Variants in SIPA1L3 observed in about 807,000 individuals in gnomAD.
SIPA1L3 encodes the protein signal induced proliferation associated 1 like 3.
In SIPA1L3, 59 loss-of-function variants were observed where a neutral mutation model predicts 150.1. That is an observed-to-expected ratio of 0.39 (90% CI 0.32 to 0.49). The LOEUF is 0.49. SIPA1L3 is among the 20% of genes least tolerant of loss of function. The pLI is 0.86. For missense variants in SIPA1L3, 2,211 were observed against 2,489.5 expected, an observed-to-expected ratio of 0.89 and a Z score of 2.38; for synonymous variants, 1,070 against 1,077.6, an observed-to-expected ratio of 0.99 and a Z score of 0.14.
intron 2 of SIPA1L3, among the ~76,000 whole-genome samples, chr19:38,064,407 A>G (rs1969522570): frequency 6.6e-6 from 1 of 152,238 alleles, no homozygotes; most frequent in Admixed American, 6.5e-5. Flanking sequence ...TATATAAGAA[A>G]AAATGAAGGC....
intron 2 of SIPA1L3, among the ~76,000 whole-genome samples, chr19:38,066,901 T>C (rs1032813454): frequency 1.3e-5 from 2 of 151,956 alleles, no homozygotes; most frequent in Non-Finnish European, 2.9e-5. Context: ...CAGCTCTCTC[T>C]CTTGACTTTC....
intron 2 of SIPA1L3, among the ~76,000 whole-genome samples, chr19:38,035,603 C>T (rs569514026): frequency 1.2e-4 from 19 of 152,284 alleles, no homozygotes; most frequent in African/African-American, 4.6e-4. Flanking sequence ...AAATGGGCAG[C>T]TTAACTGTGG....
At chr19:38,085,618 C>G (rs1970110984) in intron 3 of SIPA1L3, among the ~76,000 whole-genome samples, 1 of 152,082 alleles carries the variant, frequency 6.6e-6, no homozygotes. Context: ...TTTCATGTTT[C>G]TTAAAGTTCG....
intron 1 of SIPA1L3, among the ~76,000 whole-genome samples, chr19:37,950,148 G>A (rs370200662): frequency 2.0e-5 from 3 of 150,620 alleles, no homozygotes; most frequent in East Asian, 2.0e-4. Flanking sequence ...CTTGCTAGCT[G>A]TGTGACCTTG....
chr19:38,100,388 C>T (rs1051869788), intron 5 of SIPA1L3, among the ~76,000 whole-genome samples: 4 of 152,164 alleles, frequency 2.6e-5, no homozygotes, highest in Admixed American at 2.6e-4. Flanking sequence ...GCTAGGTCCC[C>T]ATGTGTGCAT....
At chr19:38,197,563 G>A (rs915025401) in intron 18 of SIPA1L3, among the ~76,000 whole-genome samples, 6 of 151,422 alleles carry the variant, frequency 4.0e-5, no homozygotes, top group African/African-American at 7.3e-5. Flanking sequence ...TCTCCTCGTC[G>A]CCAGCTCCTG....
chr19:38,015,749 G>A (rs1264738449), intron 1 of SIPA1L3, among the ~76,000 whole-genome samples: 1 of 138,810 alleles, frequency 7.2e-6, no homozygotes, highest in Admixed American at 7.6e-5. Flanking sequence ...AAAAAAGAAT[G>A]TGAGAGGTCT....
intron 2 of SIPA1L3, among the ~76,000 whole-genome samples, chr19:38,064,045 A>G (rs1969513343): frequency 1.3e-5 from 2 of 152,274 alleles, no homozygotes; most frequent in South Asian, 4.1e-4. Flanking sequence ...CACTCTACAA[A>G]CATGGCTGTA....
At chr19:37,911,179 C>G (rs1313829403) in intron 1 of SIPA1L3, among the ~76,000 whole-genome samples, 1 of 152,012 alleles carries the variant, frequency 6.6e-6, no homozygotes, top group Non-Finnish European at 1.5e-5. Context: ...GTGCTCTCTG[C>G]CCTTGTGATT....
intron 12 of SIPA1L3, among the ~76,000 whole-genome samples, chr19:38,145,750 G>A (rs115508024): frequency 4.0e-4 from 61 of 152,102 alleles, no homozygotes; most frequent in African/African-American, 1.4e-3. Context: ...TATCACATGT[G>A]AAGTGTTGTG....
intron 1 of SIPA1L3, among the ~76,000 whole-genome samples, chr19:37,920,867 G>A (rs990945079): frequency 2.0e-5 from 3 of 152,234 alleles, no homozygotes; most frequent in Non-Finnish European, 4.4e-5. Flanking sequence ...TGGCCTTCGA[G>A]TCAGTTTACT....
intron 6 of SIPA1L3, among the ~76,000 whole-genome samples, chr19:38,102,049 CTTTTTT>C (rs552210592): frequency 7.3e-6 from 1 of 137,158 alleles, no homozygotes; most frequent in Admixed American, 7.4e-5. Flanking sequence ...CTTTTCTTTT[CTTTTTT>C]TTTTTTTTTT....
At chr19:38,139,307 T>A (rs1443412697) in intron 10 of SIPA1L3, among the ~76,000 whole-genome samples, 1 of 152,136 alleles carries the variant, frequency 6.6e-6, no homozygotes, top group Non-Finnish European at 1.5e-5. Flanking sequence ...AGCTTCTAAT[T>A]GGTCAGGCCT....
intron 2 of SIPA1L3, among the ~76,000 whole-genome samples, chr19:38,075,556 G>A (rs1486935924): frequency 6.6e-6 from 1 of 151,992 alleles, no homozygotes; most frequent in Non-Finnish European, 1.5e-5. Context: ...CGAGGCTGGC[G>A]GATCCCTCGA....
intron 1 of SIPA1L3, among the ~76,000 whole-genome samples, chr19:37,970,476 G>A (rs866402435): frequency 2.2e-4 from 33 of 152,152 alleles, no homozygotes; most frequent in Admixed American, 1.2e-3. Context: ...TGCAGATACC[G>A]TTCTGAATCT....
intron 4 of SIPA1L3, among the ~76,000 whole-genome samples, chr19:38,095,188 T>C (rs1970350192): frequency 6.6e-6 from 1 of 152,236 alleles, no homozygotes; most frequent in Admixed American, 6.5e-5. Context: ...TTAACACACA[T>C]TGAGCTCTCA....
chr19:38,106,746 T>A lies in SIPA1L3; in HGVS notation c.2133+106T>A, dbSNP rs567929091. The stretch of plus-strand genomic sequence containing the variant: ...TGGATCATATGGAGGCCCTTGACCT[T>A]GGAGGCCATCTTTACTATGGTCACT... On this transcript the variant is annotated intron_variant, in intron 7 of 21. Coordinates refer to ENST00000222345, the MANE Select transcript of SIPA1L3 (RefSeq NM_015073.3). 4 of 746,616 alleles carry A rather than the reference T, an allele frequency of 5.4e-6. No individual in the cohort carries two copies. The South Asian group carries it at 6.4e-5, about 12-fold the overall frequency. 46.2% of individuals were successfully genotyped at this position (746,616 alleles called of 1,614,324 possible). A position where few individuals can be genotyped will look rare whatever the true frequency, so the allele number is the denominator to read the frequency against.
chr19:37,953,186 C>T (rs1415500056), intron 1 of SIPA1L3, among the ~76,000 whole-genome samples: 5 of 152,146 alleles, frequency 3.3e-5, no homozygotes, highest in Non-Finnish European at 7.3e-5. Flanking sequence ...AGAGGGGGCC[C>T]AGGATCCTTC....
intron 1 of SIPA1L3, among the ~76,000 whole-genome samples, chr19:37,977,396 C>T (rs528017155): frequency 7.2e-5 from 11 of 152,170 alleles, no homozygotes; most frequent in Non-Finnish European, 1.5e-4. Flanking sequence ...AACTCCTGAC[C>T]TCAGGTGATC....
Sources: allele counts gnomAD v4.1 joint callset (sites outside exome capture counted in the v4.1 genomes callset), GRCh38; gene constraint gnomAD v4.1.1; transcripts MANE v1.5; gene names NCBI Gene and HGNC (gene_info 2026-07-23, HGNC 2026-07-21).